ANKMY2: variants seen among roughly 807,000 people sequenced by gnomAD.
The protein encoded by ANKMY2 is ankyrin repeat and MYND domain containing 2.
ANKMY2 carries 36 observed loss-of-function variants against 50.4 expected under a neutral mutation model. That is an observed-to-expected ratio of 0.71 (90% CI 0.55 to 0.94). The LOEUF is 0.94. Ranked by LOEUF, ANKMY2 falls within the 40% of genes least tolerant of loss-of-function variation. The pLI is 0.00. For synonymous variants in ANKMY2, 187 were observed against 178.8 expected (o/e 1.05, Z -0.36); for missense variants, 565 against 524.0 (o/e 1.08, Z -0.76).
chr7:16,625,533 T>C (rs1306199440), intron 3 of ANKMY2, among the ~76,000 whole-genome samples: 1 of 152,236 alleles, frequency 6.6e-6, no homozygotes, highest in Non-Finnish European at 1.5e-5. Flanking sequence ...CTTTTTTCTA[T>C]CTAAACATAC....
At chr7:16,614,958 A>AT (rs530277401) in intron 5 of ANKMY2, among the ~76,000 whole-genome samples, 15 of 152,176 alleles carry the variant, frequency 9.9e-5, no homozygotes, top group South Asian at 4.1e-4. Flanking sequence ...GTTTAGCTGG[A>AT]TTTTTTTGAA....
intron 2 of ANKMY2, among the ~76,000 whole-genome samples, chr7:16,632,699 G>C (rs1781605849): frequency 6.6e-6 from 1 of 152,134 alleles, no homozygotes; most frequent in Non-Finnish European, 1.5e-5. Context: ...TATGAATAAT[G>C]CTGTTATAAA....
chr7:16,606,537 T>C (rs1781164777), intron 7 of ANKMY2, among the ~76,000 whole-genome samples: 1 of 152,232 alleles, frequency 6.6e-6, no homozygotes, highest in Non-Finnish European at 1.5e-5. Flanking sequence ...TACCTACTCC[T>C]AATAGTTCTT....
At chr7:16,637,636 T>A (rs1781684495) in intron 1 of ANKMY2, among the ~76,000 whole-genome samples, 1 of 152,202 alleles carries the variant, frequency 6.6e-6, no homozygotes, top group African/African-American at 2.4e-5. Flanking sequence ...GGCAAAGCTC[T>A]TGTGTGTGTG....
chr7:16,607,041 C>T (rs1040127179), intron 7 of ANKMY2, among the ~76,000 whole-genome samples: 4 of 152,162 alleles, frequency 2.6e-5, no homozygotes, highest in African/African-American at 9.7e-5. Flanking sequence ...GGTTGGGCAT[C>T]ACTTCAGAGG....
intron 2 of ANKMY2, among the ~76,000 whole-genome samples, chr7:16,629,941 T>C (rs1314085005): frequency 1.3e-5 from 2 of 152,186 alleles, no homozygotes; most frequent in African/African-American, 4.8e-5. Flanking sequence ...CCCACCATGC[T>C]ATAAATTTTC....
intron 8 of ANKMY2, 34 bp downstream of exon 8, chr7:16,604,687 G>A: frequency 6.2e-7 from 1 of 1,605,130 alleles, no homozygotes; most frequent in Non-Finnish European, 8.5e-7. Context: ...ATCTAAACCA[G>A]AGGTCAATGA....
At chr7:16,636,596 A>G (rs1158257079) in intron 1 of ANKMY2, 141 bp from the exon 2 acceptor site, 1 of 518,072 alleles carries the variant, frequency 1.9e-6, no homozygotes. Context: ...TGAAACATCC[A>G]ATCACATACT....
At chr7:16,604,174 C>A (rs1018043001) in intron 8 of ANKMY2, among the ~76,000 whole-genome samples, 2 of 152,176 alleles carry the variant, frequency 1.3e-5, no homozygotes, top group African/African-American at 4.8e-5. Context: ...CGGACACATG[C>A]ATGTGTCCAG....
chr7:16,641,404 G>C (rs1313929062), intron 1 of ANKMY2, among the ~76,000 whole-genome samples: 8 of 152,196 alleles, frequency 5.3e-5, no homozygotes, highest in Admixed American at 1.3e-4. Context: ...ATAAAATTGG[G>C]AGTATCTAAA....
At chr7:16,633,244 T>C (rs1232727361) in intron 2 of ANKMY2, among the ~76,000 whole-genome samples, 1 of 152,128 alleles carries the variant, frequency 6.6e-6, no homozygotes, top group African/African-American at 2.4e-5. Flanking sequence ...CAAAAGTTTT[T>C]AATTTTGATT....
intron 7 of ANKMY2, 36 bp downstream of exon 7, chr7:16,609,594 T>C: frequency 6.4e-7 from 1 of 1,562,048 alleles, no homozygotes; most frequent in Middle Eastern, 1.7e-4. Flanking sequence ...AATTAGGTTT[T>C]ACTGATAGAG....
intron 3 of ANKMY2, 79 bp from the exon 4 acceptor site, chr7:16,625,160 C>A: frequency 9.5e-7 from 1 of 1,052,778 alleles, no homozygotes. Context: ...TCTCTATACC[C>A]TTTATTCCCC....
In ANKMY2 at chr7:16,645,516, T is replaced by G; in HGVS notation, c.58A>C (p.Ile20Leu). The G allele has an allele frequency of 6.2e-7, 1 of 1,611,338 alleles. No individual in the cohort carries two copies. Among genetic ancestry groups the G allele is most frequent in the Non-Finnish European group, 8.5e-7 (1 of 1,178,770 alleles). Residue 20 changes from isoleucine (I) to leucine (L), a missense_variant, in exon 1 of 10, where the codon ATC becomes CTC. Ile to Leu is a conservative substitution (Grantham distance 5). Transcript: ENST00000306999. ...TQEEKELLEV[I>L]GKGTVQEAGT... ...AGCCCAGCACCCGTACCTTTCCCGATGACTTCCAGTAGCTCCTTCTCCTCC... is the reference window on the plus strand; with the variant it reads ...AGCCCAGCACCCGTACCTTTCCCGAGGACTTCCAGTAGCTCCTTCTCCTCC...
rs560539349 is a variant in ANKMY2 at position 16,626,318 on chromosome 7, A to G, written c.271+722T>C. Reference sequence around the variant, plus strand: ...ATATTTCACAATATAATCTTTTAAGACATATAATACAGATTTTTAGTTTTT... The same window carrying G: ...ATATTTCACAATATAATCTTTTAAGGCATATAATACAGATTTTTAGTTTTT... On this transcript the variant is annotated intron_variant, in intron 3 of 9. Transcript: ENST00000306999. Among the ~76,000 whole-genome samples, 27 of 152,270 alleles carry G rather than the reference A, an allele frequency of 1.8e-4. No individual in the cohort carries two copies. The East Asian group carries it at 4.0e-3, about 23-fold the overall frequency.
At position 16,609,223 on chromosome 7, in the gene ANKMY2, C is replaced by T. The variant is rs1347212592; in HGVS notation, c.882+407G>A. ...CAATGAGCCTTCCCATGGCTTATCCCACTACATCCCCACTGCCTGGACACT... is the reference window on the plus strand; with the variant it reads ...CAATGAGCCTTCCCATGGCTTATCCTACTACATCCCCACTGCCTGGACACT... On this transcript the variant is annotated intron_variant, in intron 7 of 9. Transcript: ENST00000306999. 3.3e-5 allele frequency among the ~76,000 whole-genome samples: 5 copies of T among 152,136 alleles called. No individual in the cohort carries two copies. The East Asian group carries it at 9.6e-4, about 29-fold the overall frequency.
intron 7 of ANKMY2, among the ~76,000 whole-genome samples, chr7:16,606,739 C>A (rs1781167241): frequency 6.6e-6 from 1 of 152,118 alleles, no homozygotes; most frequent in Admixed American, 6.6e-5. Flanking sequence ...TCTGTATACT[C>A]AAGATAGTCA....
Position 16,645,697 on chromosome 7 carries a change from G to A in ANKMY2, c.-124C>T, listed in dbSNP as rs1781831311. On this transcript the variant is annotated 5_prime_UTR_variant, in exon 1 of 10. Coordinates refer to ENST00000306999, the MANE Select transcript of ANKMY2 (RefSeq NM_020319.3). ...AGACCAAGACACTGAGTAGCCAACC[G>A]CGGAAACGCTTCGCTTCTCTCCTCC... is the stretch of plus-strand genomic sequence containing the variant. 2.8e-6 allele frequency: 3 copies of A among 1,063,698 alleles called. No homozygotes were observed. Among genetic ancestry groups the A allele is most frequent in the Non-Finnish European group, 3.9e-6 (3 of 760,680 alleles). The allele number at this position is 1,063,698 out of a possible 1,614,324, so 65.9% of individuals were successfully genotyped here. A position where few individuals can be genotyped will look rare whatever the true frequency, so the allele number is the denominator to read the frequency against.
At chr7:16,617,062 T>C (rs761072145) in intron 4 of ANKMY2, among the ~76,000 whole-genome samples, 1 of 149,692 alleles carries the variant, frequency 6.7e-6, no homozygotes, top group Non-Finnish European at 1.5e-5. Context: ...ATACTTTTGA[T>C]GAGACATTTT....
Sources: allele counts gnomAD v4.1 joint callset (sites outside exome capture counted in the v4.1 genomes callset), GRCh38; gene constraint gnomAD v4.1.1; transcripts MANE v1.5; gene names NCBI Gene and HGNC (gene_info 2026-07-23, HGNC 2026-07-21).